Variants in CYP7B1 observed in about 807,000 individuals in gnomAD.
The protein encoded by CYP7B1 is cytochrome P450 7B1.
A neutral mutation model predicts 42.7 loss-of-function variants in CYP7B1; 29 were observed. The observed-to-expected ratio is 0.68, with a 90% CI of 0.51 to 0.93. CYP7B1 has a LOEUF of 0.93. Among genes scored for constraint, CYP7B1 ranks in the 40% least tolerant of loss-of-function variants. The pLI, the probability that CYP7B1 is intolerant of heterozygous loss-of-function variation, is 0.00. For synonymous variants in CYP7B1, 235 were observed against 218.2 expected (o/e 1.08, Z -0.68); for missense variants, 655 against 600.5 (o/e 1.09, Z -0.95).
chr8:64,749,791 AT>A (rs2129633457), intron 1 of CYP7B1, among the ~76,000 whole-genome samples: 1 of 152,306 alleles, frequency 6.6e-6, no homozygotes, highest in African/African-American at 2.4e-5. Context: ...ATCAACTTCC[AT>A]TGAACTATTT....
chr8:64,723,641 T>G (rs772977214), intron 1 of CYP7B1, among the ~76,000 whole-genome samples: 1 of 152,222 alleles, frequency 6.6e-6, no homozygotes. Flanking sequence ...TTCTAGAAAC[T>G]GCTTAGGCAA....
intron 1 of CYP7B1, among the ~76,000 whole-genome samples, chr8:64,658,495 T>A (rs1340867124): frequency 4.6e-5 from 7 of 152,244 alleles, no homozygotes; most frequent in Admixed American, 4.6e-4. Flanking sequence ...AACTCTTATA[T>A]GGAATGTGCA....
intron 1 of CYP7B1, among the ~76,000 whole-genome samples, chr8:64,647,482 T>C (rs1157344314): frequency 6.6e-6 from 1 of 152,154 alleles, no homozygotes; most frequent in Non-Finnish European, 1.5e-5. Flanking sequence ...AATATGTCTG[T>C]ATATATTTAT....
chr8:64,633,371 C>G (rs1805725012), intron 1 of CYP7B1, among the ~76,000 whole-genome samples: 1 of 152,082 alleles, frequency 6.6e-6, no homozygotes, highest in South Asian at 2.1e-4. Flanking sequence ...TCAGTAACAA[C>G]AAAATTTTAG....
At chr8:64,703,780 T>C (rs911741446) in intron 1 of CYP7B1, 1 of 152,076 alleles carries the variant, frequency 6.6e-6, no homozygotes, top group Non-Finnish European at 1.5e-5. Context: ...ACAGTCTATC[T>C]TTTAAAAAAG....
intron 1 of CYP7B1, among the ~76,000 whole-genome samples, chr8:64,668,356 A>T (rs780786136): frequency 1.3e-5 from 2 of 152,280 alleles, no homozygotes; most frequent in Non-Finnish European, 1.5e-5. Flanking sequence ...TGATAACTAT[A>T]TAATATGAAT....
intron 4 of CYP7B1, among the ~76,000 whole-genome samples, chr8:64,612,833 C>G (rs1158830248): frequency 6.6e-6 from 1 of 152,078 alleles, no homozygotes; most frequent in Non-Finnish European, 1.5e-5. Context: ...TAAGCACATA[C>G]ACACATACCA....
intron 5 of CYP7B1, 85 bp from the exon 6 acceptor site, chr8:64,597,014 T>G (rs1805129711): frequency 8.1e-7 from 1 of 1,232,352 alleles, no homozygotes; most frequent in African/African-American, 1.6e-5. Context: ...TCTCTCTGCC[T>G]GTCTTAAAAA....
At chr8:64,676,148 C>A (rs779141882) in intron 1 of CYP7B1, among the ~76,000 whole-genome samples, 2 of 152,086 alleles carry the variant, frequency 1.3e-5, no homozygotes, top group African/African-American at 2.4e-5. Context: ...TCCAATTAAC[C>A]TATTGCTTGT....
intron 1 of CYP7B1, among the ~76,000 whole-genome samples, chr8:64,649,959 A>T (rs1247367970): frequency 6.6e-6 from 1 of 152,210 alleles, no homozygotes; most frequent in Non-Finnish European, 1.5e-5. Flanking sequence ...CTAGATATTA[A>T]CACATCATCA....
intron 1 of CYP7B1, among the ~76,000 whole-genome samples, chr8:64,753,578 A>G (rs1807762605): frequency 6.6e-6 from 1 of 152,216 alleles, no homozygotes; most frequent in Non-Finnish European, 1.5e-5. Context: ...GTGACAGGAC[A>G]ACTCAGGGGC....
rs1805771797 is a variant in CYP7B1 at position 64,636,304 on chromosome 8, A to G, written c.123-11765T>C. On this transcript the variant is annotated intron_variant, in intron 1 of 5. Transcript: ENST00000310193. ...ACTCCTACCTTGGTAACTTTGGTCCATTTAATTATATTTGCCTCCGGTTCC... is the reference window on the plus strand; with the variant it reads ...ACTCCTACCTTGGTAACTTTGGTCCGTTTAATTATATTTGCCTCCGGTTCC... Among the ~76,000 whole-genome samples the G allele has an allele frequency of 2.0e-5, 3 of 152,176 alleles. No homozygotes were observed. The East Asian group carries it at 5.8e-4, about 29-fold the overall frequency.
rs1450297453 is a variant in CYP7B1, at chr8:64,686,288, G to GC, written c.123-61750dup. On this transcript the variant is annotated intron_variant, in intron 1 of 5. Coordinates refer to ENST00000310193, the MANE Select transcript of CYP7B1 (RefSeq NM_004820.5). Reference sequence around the variant, plus strand: ...GTCCGGGAGGGAGGTGGGGGGGTCGGCCCCCCACCCGGCCAGCCGCCCCGT... The same window carrying GC: ...GTCCGGGAGGGAGGTGGGGGGGTCGGCCCCCCCACCCGGCCAGCCGCCCCGT... Among the ~76,000 whole-genome samples, 40 of 41,082 alleles carry GC rather than the reference G, an allele frequency of 9.7e-4. 4 individuals are homozygous for GC. The highest frequency in any genetic ancestry group is 3.2e-3 in the African/African-American group (30 of 9,300). 27.0% of individuals were successfully genotyped at this position (41,082 alleles called of 152,430 possible). A position where few individuals can be genotyped will look rare whatever the true frequency, so the allele number is the denominator to read the frequency against.
At chr8:64,670,782 T>C (rs1806354548) in intron 1 of CYP7B1, among the ~76,000 whole-genome samples, 1 of 152,158 alleles carries the variant, frequency 6.6e-6, no homozygotes, top group Non-Finnish European at 1.5e-5. Flanking sequence ...AGCAGTGAAA[T>C]AGCAACCTGA....
At chr8:64,700,750 G>A (rs1336151039) in intron 1 of CYP7B1, among the ~76,000 whole-genome samples, 1 of 152,054 alleles carries the variant, frequency 6.6e-6, no homozygotes, top group African/African-American at 2.4e-5. Context: ...GCAGTGGGTG[G>A]TTAATGAAAT....
At chr8:64,747,080 T>C (rs1365490320) in intron 1 of CYP7B1, among the ~76,000 whole-genome samples, 2 of 150,752 alleles carry the variant, frequency 1.3e-5, no homozygotes, top group East Asian at 3.9e-4. Flanking sequence ...TATAAATTCA[T>C]TGTGAATTAC....
Position 64,672,117 on chromosome 8 carries a change from T to G in CYP7B1, c.123-47578A>C, listed in dbSNP as rs143271915. Among the ~76,000 whole-genome samples, 328 of 152,238 alleles carry G rather than the reference T, an allele frequency of 2.2e-3. 1 individual carries two copies. The highest frequency in any genetic ancestry group is 7.4e-3 in the African/African-American group (306 of 41,554). ...ACATAGTATGCACTCAATAAATTAT[T>G]TTGAATAAATAATGAACAGATTAAT... On this transcript the variant is annotated intron_variant, in intron 1 of 5. Transcript: ENST00000310193.
At chr8:64,691,571 T>C (rs1272116510) in intron 1 of CYP7B1, among the ~76,000 whole-genome samples, 4 of 151,716 alleles carry the variant, frequency 2.6e-5, no homozygotes, top group Admixed American at 6.6e-5. Flanking sequence ...TTTCTACTCA[T>C]TGTTGCATCC....
chr8:64,776,376 T>C (rs74930924), intron 1 of CYP7B1, among the ~76,000 whole-genome samples: 2,287 of 152,210 alleles, frequency 0.015, 69 homozygotes, highest in African/African-American at 0.05. Flanking sequence ...TAAATACAAT[T>C]AGAAAACTTT....
Sources: gnomAD v4.1 joint callset for allele counts (sites outside exome capture counted in the v4.1 genomes callset) on GRCh38, gnomAD v4.1.1 for gene constraint, MANE v1.5 for transcripts, NCBI Gene and HGNC (gene_info 2026-07-23, HGNC 2026-07-21) for gene names.